The following TNRC18 variants were observed in gnomAD, a reference collection of about 807,000 sequenced individuals.
The protein encoded by TNRC18 is trinucleotide repeat-containing gene 18 protein.
TNRC18 carries 69 observed loss-of-function variants against 226.7 expected under a neutral mutation model. That is an observed-to-expected ratio of 0.30 (90% CI 0.25 to 0.37). TNRC18 has a LOEUF of 0.37. TNRC18 is among the 10% of genes least tolerant of loss of function. The pLI, the probability that TNRC18 is intolerant of heterozygous loss-of-function variation, is 1.00. For synonymous variants in TNRC18, 2,449 were observed against 1,927.6 expected (o/e 1.27, Z -7.09); for missense variants, 4,754 against 4,256.6 (o/e 1.12, Z -3.25).
chr7:5,331,625 C>T (rs1789531187), intron 19 of TNRC18, among the ~76,000 whole-genome samples: 1 of 152,160 alleles, frequency 6.6e-6, no homozygotes, highest in Non-Finnish European at 1.5e-5. Flanking sequence ...TACACTGCTT[C>T]AGAAGTACAG....
chr7:5,308,837 T>TTGCCC, intron 29 of TNRC18, 38 bp downstream of exon 29: 15 of 834,154 alleles, frequency 1.8e-5, no homozygotes, highest in Non-Finnish European at 3.0e-5. Context: ...GAAGCAGCCA[T>TTGCCC]CCCCAACCCG....
intron 11 of TNRC18, among the ~76,000 whole-genome samples, chr7:5,369,428 A>G (rs6945065): frequency 0.11 from 17,140 of 152,216 alleles, 1,114 homozygotes; most frequent in African/African-American, 0.17. Context: ...TGCCAAAGCT[A>G]GCAAGAAAGA....
rs1782570659 is a variant in TNRC18 at position 5,421,277 on chromosome 7, A to C, written c.-31T>G. On this transcript the variant is annotated 5_prime_UTR_variant, in exon 2 of 30. Coordinates refer to ENST00000430969, the MANE Select transcript of TNRC18 (RefSeq NM_001080495.3). ...GCGGGAGTGCCGCGATCAGCCCCCC[A>C]CCCGGCCCGCAGGCCTAGCTCAGTG... The C allele has an allele frequency of 7.9e-7, 1 of 1,269,800 alleles. No homozygotes were observed. Among genetic ancestry groups the C allele is most frequent in the Admixed American group, 4.2e-5 (1 of 23,830 alleles). The allele number at this position is 1,269,800 out of a possible 1,614,324, so 78.7% of individuals were successfully genotyped here.
At position 5,376,921 on chromosome 7, in the gene TNRC18, G is replaced by A. The variant is rs2128180569; in HGVS notation, c.2534C>T (p.Ser845Leu). Residue 845 changes from serine (S) to leucine (L), a missense_variant, in exon 8 of 30, where the codon TCA becomes TTA. Coordinates refer to ENST00000430969, the MANE Select transcript of TNRC18 (RefSeq NM_001080495.3). ...FPPGLGGSLP[S>L]AYQFVRDPQS... ...GGGGTCCCTGACAAACTGGTAGGCT[G>A]ACGGGAGGGAGCCCCCCAGGCCAGG... is the stretch of plus-strand genomic sequence containing the variant. 2.5e-6 allele frequency: 4 copies of A among 1,603,876 alleles called. No individual in the cohort carries two copies. The highest frequency in any genetic ancestry group is 3.4e-6 in the Non-Finnish European group (4 of 1,175,414).
intron 16 of TNRC18, among the ~76,000 whole-genome samples, chr7:5,354,290 A>T (rs775985399): frequency 2.0e-5 from 3 of 152,074 alleles, no homozygotes; most frequent in African/African-American, 4.8e-5. Flanking sequence ...ACCAGCTCGG[A>T]GCACCCCAGA....
rs1256483045 is a variant in TNRC18 at position 5,320,069 on chromosome 7, C to T, written c.6745+249G>A. 8.7e-6 allele frequency: 4 copies of T among 457,210 alleles called. No individual in the cohort carries two copies. In the East Asian group the frequency reaches 1.1e-4, roughly 13 times the overall value. 28.3% of individuals were successfully genotyped at this position (457,210 alleles called of 1,614,324 possible). On this transcript the variant is annotated intron_variant, in intron 24 of 29. Coordinates refer to ENST00000430969, the MANE Select transcript of TNRC18 (RefSeq NM_001080495.3). The stretch of plus-strand genomic sequence containing the variant: ...TAAGAGTTCTTAAGATGGTAAAATA[C>T]AATCTCCAAGGAGCTAGTGTGAAGC...
At position 5,357,259 on chromosome 7, in the gene TNRC18, C is replaced by G; in HGVS notation, c.4851G>C (p.Lys1617Asn). 6.2e-7 allele frequency: 1 copy of G among 1,611,160 alleles called. No individual in the cohort carries two copies. Among genetic ancestry groups the G allele is most frequent in the African/African-American group, 1.3e-5 (1 of 74,984 alleles). Residue 1617 changes from lysine (K) to asparagine (N), a missense_variant, in exon 16 of 30, where the codon AAG (lysine) becomes AAC (asparagine). Lys to Asn is a moderately conservative substitution (Grantham distance 94). Transcript: ENST00000430969. ...DFISQLKIKK[K>N]KMASDQEQLA... Reference sequence around the variant, plus strand: ...ACTGCTCCTGGTCGCTGGCCATCTTCTTCTTCTTAATCTTTAGCTGGAGAG... The same window carrying G: ...ACTGCTCCTGGTCGCTGGCCATCTTGTTCTTCTTAATCTTTAGCTGGAGAG...
At chr7:5,404,354 G>C (rs528865006) in intron 2 of TNRC18, among the ~76,000 whole-genome samples, 1 of 152,184 alleles carries the variant, frequency 6.6e-6, no homozygotes, top group African/African-American at 2.4e-5. Flanking sequence ...CTGGGCGACA[G>C]AGCAAGACTC....
In TNRC18 at chr7:5,307,856, A is replaced by C; in HGVS notation, c.*250T>G. The C allele has an allele frequency of 1.8e-6, 1 of 545,198 alleles. No homozygotes were observed. The highest frequency in any genetic ancestry group is 3.3e-6 in the Non-Finnish European group (1 of 301,120). The allele number at this position is 545,198 out of a possible 1,614,324, so 33.8% of individuals were successfully genotyped here. A position where few individuals can be genotyped will look rare whatever the true frequency, so the allele number is the denominator to read the frequency against. On this transcript the variant is annotated 3_prime_UTR_variant, in exon 30 of 30. Coordinates refer to ENST00000430969, the MANE Select transcript of TNRC18 (RefSeq NM_001080495.3). Reference sequence around the variant, plus strand: ...AGGGCCGGTCCGGCCATACCCTGATAGCTAAGAGGGGCCCCTGTCCTGGGG... The same window carrying C: ...AGGGCCGGTCCGGCCATACCCTGATCGCTAAGAGGGGCCCCTGTCCTGGGG...
chr7:5,403,314 C>A (rs996448377), intron 2 of TNRC18, among the ~76,000 whole-genome samples: 1 of 152,222 alleles, frequency 6.6e-6, no homozygotes, highest in South Asian at 2.1e-4. Context: ...GCATGCACCA[C>A]CACGCCCAGC....
At chr7:5,400,339 G>C (rs997353485) in intron 2 of TNRC18, among the ~76,000 whole-genome samples, 2 of 152,074 alleles carry the variant, frequency 1.3e-5, no homozygotes, top group Non-Finnish European at 2.9e-5. Context: ...GCTGGGAGTG[G>C]TGGCTCATGC....
rs1222016374 is a variant in TNRC18 at position 5,307,831 on chromosome 7, A to G, written c.*275T>C. On this transcript the variant is annotated 3_prime_UTR_variant, in exon 30 of 30. Transcript: ENST00000430969. ...AGTGCTTGCAACGTGCTGGGCAGGA[A>G]GGGCCGGTCCGGCCATACCCTGATA... 5 of 501,904 alleles carry G rather than the reference A, an allele frequency of 1.0e-5. No individual in the cohort carries two copies. The highest frequency in any genetic ancestry group is 1.8e-5 in the Non-Finnish European group (5 of 274,186). 31.1% of individuals were successfully genotyped at this position (501,904 alleles called of 1,614,324 possible).
Position 5,332,865 on chromosome 7 carries a change from C to A in TNRC18, c.5904G>T (p.Gly1968=), listed in dbSNP as rs745849094. ...GGCCCCGCAGCTTCCGGGCCTTGCGCCCCTTCTCCACCGCCAGCTTGGCCT... is the reference window on the plus strand; with the variant it reads ...GGCCCCGCAGCTTCCGGGCCTTGCGACCCTTCTCCACCGCCAGCTTGGCCT... ...PDKAKLAVEK[G]RKARKLRGPK... The change falls in exon 19 of 30, where the codon GGG becomes GGT. Residue 1968 remains glycine, a synonymous_variant. Coordinates refer to ENST00000430969, the MANE Select transcript of TNRC18 (RefSeq NM_001080495.3). 5 of 1,513,150 alleles carry A rather than the reference C, an allele frequency of 3.3e-6. No individual in the cohort carries two copies. Among genetic ancestry groups the A allele is most frequent in the Middle Eastern group, 2.2e-4 (1 of 4,486 alleles). The allele number at this position is 1,513,150 out of a possible 1,614,324, so 93.7% of individuals were successfully genotyped here. A position where few individuals can be genotyped will look rare whatever the true frequency, so the allele number is the denominator to read the frequency against.
At chr7:5,411,227 AAAAAAAG>A (rs1364830710) in intron 2 of TNRC18, among the ~76,000 whole-genome samples, 85 of 151,780 alleles carry the variant, frequency 5.6e-4, no homozygotes, top group East Asian at 5.4e-3. Context: ...AAAAAAAAAA[AAAAAAAG>A]AAAAAAGAAA....
chr7:5,377,546 G>A lies in TNRC18; in HGVS notation c.2286C>T (p.Arg762=), dbSNP rs1211142251. The A allele has an allele frequency of 1.3e-6, 2 of 1,588,780 alleles. No homozygotes were observed. Among genetic ancestry groups the A allele is most frequent in the South Asian group, 2.3e-5 (2 of 87,306 alleles). The part of the protein sequence containing the change: ...RESKELADLA[R]LHPTSCAPNG... Reference sequence around the variant, plus strand: ...TAGGAGCACAGCTGGTAGGGTGCAGGCGGGCCAGGTCAGCCAGCTCCTTAC... The same window carrying A: ...TAGGAGCACAGCTGGTAGGGTGCAGACGGGCCAGGTCAGCCAGCTCCTTAC... The change falls in exon 7 of 30, where the codon CGC becomes CGT. Residue 762 remains arginine, a synonymous_variant. Coordinates refer to ENST00000430969, the MANE Select transcript of TNRC18 (RefSeq NM_001080495.3). The surrounding 1 kb of genome is among the most constrained non-coding windows in gnomAD (Gnocchi z 5.8).
chr7:5,394,417 C>T lies in TNRC18; in HGVS notation c.343+23G>A, dbSNP rs1780515046. On this transcript the variant is annotated intron_variant, in intron 3 of 29. Coordinates refer to ENST00000430969, the MANE Select transcript of TNRC18 (RefSeq NM_001080495.3). The surrounding 1 kb of genome is among the most constrained non-coding windows in gnomAD (Gnocchi z 4.5). ...GGACGTCAGCCCAGCAGCCCTCAGCCCCGACCCCGGCATGTTCCTTACCTT... is the reference window on the plus strand; with the variant it reads ...GGACGTCAGCCCAGCAGCCCTCAGCTCCGACCCCGGCATGTTCCTTACCTT... 3 of 1,513,442 alleles carry T rather than the reference C, an allele frequency of 2.0e-6. No homozygotes were observed. The highest frequency in any genetic ancestry group is 2.7e-6 in the Non-Finnish European group (3 of 1,131,170). The allele number at this position is 1,513,442 out of a possible 1,614,324, so 93.8% of individuals were successfully genotyped here. A position where few individuals can be genotyped will look rare whatever the true frequency, so the allele number is the denominator to read the frequency against.
intron 19 of TNRC18, among the ~76,000 whole-genome samples, chr7:5,329,256 T>C (rs1199390161): frequency 6.7e-6 from 1 of 149,552 alleles, no homozygotes; most frequent in Non-Finnish European, 1.5e-5. Context: ...CGAGCCAAGA[T>C]CTCACCACTG....
intron 11 of TNRC18, among the ~76,000 whole-genome samples, chr7:5,364,825 G>T (rs190527806): frequency 0.011 from 1,448 of 128,776 alleles, 21 homozygotes; most frequent in South Asian, 0.059. Flanking sequence ...AAAAAAAAAA[G>T]ATCTCAATCA....
chr7:5,392,486 C>T (rs565840205), intron 3 of TNRC18, among the ~76,000 whole-genome samples: 4 of 152,052 alleles, frequency 2.6e-5, no homozygotes, highest in Non-Finnish European at 4.4e-5. Context: ...TGGTGGCGCA[C>T]GCCTGTAATC....
Sources: allele counts gnomAD v4.1 joint callset (sites outside exome capture counted in the v4.1 genomes callset), GRCh38; gene constraint gnomAD v4.1.1; non-coding constraint Gnocchi (gnomAD v3.1); transcripts MANE v1.5; gene names NCBI Gene and HGNC (gene_info 2026-07-23, HGNC 2026-07-21).